The following EBF2 variants were observed in gnomAD, a reference collection of about 807,000 sequenced individuals.
The protein encoded by EBF2 is transcription factor COE2.
A neutral mutation model predicts 72.8 loss-of-function variants in EBF2; 21 were observed. That is an observed-to-expected ratio of 0.29 (90% CI 0.20 to 0.42). The LOEUF (loss-of-function observed/expected upper bound fraction) is 0.42. Ranked by LOEUF, EBF2 falls within the 10% of genes least tolerant of loss-of-function variation. The pLI is 1.00. For synonymous variants in EBF2, 299 were observed against 274.2 expected, an observed-to-expected ratio of 1.09 and a Z score of -0.89; for missense variants, 637 against 731.2, an observed-to-expected ratio of 0.87 and a Z score of 1.49.
intron 6 of EBF2, among the ~76,000 whole-genome samples, chr8:25,924,001 T>C (rs1355427954): frequency 2.0e-5 from 3 of 152,206 alleles, no homozygotes; most frequent in Non-Finnish European, 4.4e-5. Flanking sequence ...TCTATAAAAT[T>C]AATCTCCCAT....
intron 6 of EBF2, among the ~76,000 whole-genome samples, chr8:26,023,018 A>G (rs1268066949): frequency 6.6e-6 from 1 of 152,210 alleles, no homozygotes; most frequent in African/African-American, 2.4e-5. Context: ...GTAGAATCCT[A>G]AATCTGCGAA....
At chr8:26,013,961 T>C (rs1805068161) in intron 6 of EBF2, among the ~76,000 whole-genome samples, 1 of 152,130 alleles carries the variant, frequency 6.6e-6, no homozygotes, top group Admixed American at 6.5e-5. Context: ...CAGACAATAC[T>C]GGGCCCACCA....
intron 7 of EBF2, among the ~76,000 whole-genome samples, chr8:25,907,188 G>A (rs2117311954): frequency 6.6e-6 from 1 of 152,104 alleles, no homozygotes; most frequent in East Asian, 1.9e-4. Context: ...AGAGGCCTAG[G>A]TGGGTGAATC....
intron 5 of EBF2, among the ~76,000 whole-genome samples, chr8:26,034,935 T>A (rs1805473018): frequency 6.6e-6 from 1 of 152,196 alleles, no homozygotes; most frequent in African/African-American, 2.4e-5. Context: ...ACAAATTTAG[T>A]CAAATGTCTT....
chr8:25,968,865 A>G (rs1023528875), intron 6 of EBF2, among the ~76,000 whole-genome samples: 1 of 152,184 alleles, frequency 6.6e-6, no homozygotes, highest in Non-Finnish European at 1.5e-5. Flanking sequence ...GCAGAGTGTC[A>G]GTTTTCTAAG....
intron 6 of EBF2, among the ~76,000 whole-genome samples, chr8:26,026,996 T>C (rs1380357341): frequency 4.6e-5 from 7 of 152,208 alleles, no homozygotes; most frequent in Admixed American, 4.6e-4. Flanking sequence ...TAAATGTTAT[T>C]ATTGGTTTTA....
intron 6 of EBF2, among the ~76,000 whole-genome samples, chr8:25,913,644 A>G (rs887504670): frequency 6.6e-6 from 1 of 152,324 alleles, no homozygotes; most frequent in East Asian, 1.9e-4. Context: ...CACATTTTAT[A>G]CATCACAGGG....
chr8:25,877,568 G>T (rs1394601674), intron 10 of EBF2, among the ~76,000 whole-genome samples: 2 of 152,178 alleles, frequency 1.3e-5, no homozygotes, highest in Admixed American at 6.5e-5. Context: ...AACCATGGGG[G>T]TCTGGCTAAT....
chr8:25,846,114 A>G (rs1366617805), intron 15 of EBF2, among the ~76,000 whole-genome samples: 1 of 152,188 alleles, frequency 6.6e-6, no homozygotes, highest in Admixed American at 6.5e-5. Context: ...TTTTGCCTGT[A>G]TTACTATATA....
intron 6 of EBF2, among the ~76,000 whole-genome samples, chr8:25,994,964 C>T (rs773307741): frequency 4.6e-5 from 7 of 152,040 alleles, no homozygotes; most frequent in Non-Finnish European, 8.8e-5. Context: ...AAATAAATAC[C>T]TGGAATAAAA....
In EBF2 at chr8:26,044,999, A is replaced by G; in HGVS notation, c.-140T>C. 4.7e-6 allele frequency: 4 copies of G among 842,486 alleles called. No individual in the cohort carries two copies. Among genetic ancestry groups the G allele is most frequent in the Non-Finnish European group, 7.0e-6 (4 of 570,718 alleles). 52.2% of individuals were successfully genotyped at this position (842,486 alleles called of 1,614,324 possible). On this transcript the variant is annotated 5_prime_UTR_variant, in exon 1 of 16. Coordinates refer to ENST00000520164, the MANE Select transcript of EBF2 (RefSeq NM_022659.4). The surrounding 1 kb of genome is among the most constrained non-coding windows in gnomAD (Gnocchi z 4.1). ...CAAGTGCCCAAGTTTGAGTCTTAGA[A>G]AAAAAAAAAAGATAACCCGTCCTTT...
chr8:25,864,501 A>AACACAC (rs72239959), intron 10 of EBF2, among the ~76,000 whole-genome samples: 12 of 149,430 alleles, frequency 8.0e-5, no homozygotes, highest in East Asian at 4.0e-4. Context: ...GATACACACA[A>AACACAC]ACACACACAC....
intron 6 of EBF2, among the ~76,000 whole-genome samples, chr8:25,929,838 ATG>A (rs1311084261): frequency 6.6e-6 from 1 of 152,116 alleles, no homozygotes; most frequent in Non-Finnish European, 1.5e-5. Context: ...AATGGTGGAA[ATG>A]GGGTAGAAAG....
At chr8:25,981,057 C>T (rs1484250738) in intron 6 of EBF2, among the ~76,000 whole-genome samples, 1 of 152,114 alleles carries the variant, frequency 6.6e-6, no homozygotes, top group Non-Finnish European at 1.5e-5. Flanking sequence ...ACTTGAAGAA[C>T]ATCTCGTTTG....
intron 6 of EBF2, among the ~76,000 whole-genome samples, chr8:25,913,711 C>A (rs889069135): frequency 3.3e-5 from 5 of 152,154 alleles, no homozygotes; most frequent in Non-Finnish European, 7.3e-5. Context: ...ATCTGGTTCT[C>A]TTTCTCTGCC....
intron 10 of EBF2, among the ~76,000 whole-genome samples, chr8:25,883,050 G>T (rs1402174451): frequency 6.6e-6 from 1 of 152,200 alleles, no homozygotes; most frequent in Non-Finnish European, 1.5e-5. Context: ...GCAATTACTA[G>T]CAAATCACTT....
intron 7 of EBF2, among the ~76,000 whole-genome samples, chr8:25,898,588 C>A (rs1802895152): frequency 6.6e-6 from 1 of 152,124 alleles, no homozygotes; most frequent in Non-Finnish European, 1.5e-5. Flanking sequence ...TTCCATTGAA[C>A]CCATTACTTT....
intron 15 of EBF2, among the ~76,000 whole-genome samples, chr8:25,846,177 A>G (rs913576418): frequency 6.6e-6 from 1 of 152,200 alleles, no homozygotes; most frequent in African/African-American, 2.4e-5. Flanking sequence ...ACACTCCCTG[A>G]TGACTTAGAG....
intron 6 of EBF2, among the ~76,000 whole-genome samples, chr8:25,991,170 A>G (rs1468509359): frequency 4.6e-5 from 7 of 152,206 alleles, no homozygotes; most frequent in African/African-American, 1.4e-4. Context: ...ATTTTTCCTC[A>G]GCATTCTCTT....
Sources: allele counts gnomAD v4.1 joint callset (sites outside exome capture counted in the v4.1 genomes callset), GRCh38; gene constraint gnomAD v4.1.1; non-coding constraint Gnocchi (gnomAD v3.1); transcripts MANE v1.5; gene names NCBI Gene and HGNC (gene_info 2026-07-23, HGNC 2026-07-21).